The following CHD7 variants were observed in gnomAD, a reference collection of about 807,000 sequenced individuals.
The protein encoded by CHD7 is chromodomain helicase DNA binding protein 7.
Under a neutral mutation model 307.3 loss-of-function variants are expected in CHD7, and 24 were observed. The ratio of observed to expected loss-of-function variants is 0.08; its 90% CI spans 0.06 to 0.11. The LOEUF is 0.11. Ranked by LOEUF, CHD7 falls within the 10% of genes least tolerant of loss-of-function variation. The pLI is 1.00. For synonymous variants in CHD7, 1,363 were observed against 1,349.9 expected (o/e 1.01, Z -0.21); for missense variants, 3,106 against 3,727.1 (o/e 0.83, Z 4.34).
At chr8:60,752,132 T>C (rs768819919) in intron 2 of CHD7, among the ~76,000 whole-genome samples, 3 of 152,244 alleles carry the variant, frequency 2.0e-5, no homozygotes, top group Non-Finnish European at 2.9e-5. Flanking sequence ...TCGGGAGTCC[T>C]AGACGTTAAC....
intron 2 of CHD7, among the ~76,000 whole-genome samples, chr8:60,758,051 C>A (rs1429426752): frequency 6.6e-6 from 1 of 152,068 alleles, no homozygotes; most frequent in Non-Finnish European, 1.5e-5. Flanking sequence ...GAAATGAAAA[C>A]TAGGAAATTT....
In CHD7 at chr8:60,856,574, G is replaced by A. The variant is rs372078650; in HGVS notation, c.7294G>A (p.Val2432Met). ...EMVAQLRESQVVSENGQEKVV... is the reference protein window; with the variant it reads ...EMVAQLRESQMVSENGQEKVV... ...GGTTGCCCAGCTTCGAGAGTCTCAG[G>A]TGGTCTCAGAAAATGGACAAGAAAA... Residue 2432 changes from valine to methionine, a missense_variant, in exon 34 of 38, where the codon GTG (valine) becomes ATG (methionine). This residue lies in a region of CHD7 where 1,030 missense variants were observed against 1,165.4 expected (regional missense o/e 0.88). Coordinates refer to ENST00000423902, the MANE Select transcript of CHD7 (RefSeq NM_017780.4). 5.7e-5 allele frequency: 92 copies of A among 1,613,902 alleles called. No homozygotes were observed. The highest frequency in any genetic ancestry group is 1.7e-4 in the Admixed American group (10 of 60,004).
chr8:60,797,511 A>G (rs1375274806), intron 4 of CHD7, among the ~76,000 whole-genome samples: 1 of 152,190 alleles, frequency 6.6e-6, no homozygotes, highest in African/African-American at 2.4e-5. Flanking sequence ...TCAGGGTGGG[A>G]TTTAGCATAA....
chr8:60,852,734 T>C (rs773080604), intron 30 of CHD7, 28 bp downstream of exon 30: 3 of 1,612,456 alleles, frequency 1.9e-6, no homozygotes, highest in South Asian at 2.2e-5. Flanking sequence ...CAAAGTTCTA[T>C]ACAAAAAGAC....
chr8:60,799,860 G>T (rs1181508424), intron 4 of CHD7, among the ~76,000 whole-genome samples: 3 of 152,060 alleles, frequency 2.0e-5, no homozygotes, highest in Non-Finnish European at 4.4e-5. Context: ...AGCTGGGAGT[G>T]GCAGGGCTAC....
chr8:60,800,559 T>G, intron 5 of CHD7, 34 bp downstream of exon 5: 3 of 1,257,382 alleles, frequency 2.4e-6, no homozygotes, highest in Non-Finnish European at 3.1e-6. Flanking sequence ...TATGGATGCA[T>G]TTTAAAGATG....
At chr8:60,820,138 T>C (rs758620649) in intron 9 of CHD7, 48 bp downstream of exon 9, 1 of 1,219,064 alleles carries the variant, frequency 8.2e-7, no homozygotes, top group Middle Eastern at 1.9e-4. Flanking sequence ...AGGCAACCCA[T>C]ACATGTTTAT....
In CHD7 at chr8:60,745,013, G is replaced by A. The variant is rs964458545; in HGVS notation, c.1665+1916G>A. ...GGCTTCAGGGAAGCTGCCCTCAGCC[G>A]GTGGGCAGGGCAGCTTCCCTGAAGA... is the stretch of plus-strand genomic sequence containing the variant. On this transcript the variant is annotated intron_variant, in intron 2 of 37. Coordinates refer to ENST00000423902, the MANE Select transcript of CHD7 (RefSeq NM_017780.4). Among the ~76,000 whole-genome samples, 16 of 149,966 alleles carry A rather than the reference G, an allele frequency of 1.1e-4. No homozygotes were observed. The East Asian group carries it at 3.0e-3, about 28-fold the overall frequency.
intron 2 of CHD7, among the ~76,000 whole-genome samples, chr8:60,775,015 A>G (rs1810883600): frequency 6.6e-6 from 1 of 152,004 alleles, no homozygotes; most frequent in African/African-American, 2.4e-5. Flanking sequence ...TTCAGATGCT[A>G]CTAATTCAGA....
intron 1 of CHD7, among the ~76,000 whole-genome samples, chr8:60,715,167 C>T (rs1563537935): frequency 6.6e-6 from 1 of 152,050 alleles, no homozygotes; most frequent in South Asian, 2.1e-4. Flanking sequence ...TTCCGGAGAC[C>T]GATGAGAGTG....
At chr8:60,841,600 T>C in intron 19 of CHD7, 44 bp from the exon 20 acceptor site, 4 of 1,462,376 alleles carry the variant, frequency 2.7e-6, no homozygotes, top group Non-Finnish European at 3.8e-6. Context: ...ATTCTGCTTC[T>C]GAGAAAGGCC....
In CHD7 at chr8:60,742,559, T is replaced by C. The variant is rs1276391948; in HGVS notation, c.1127T>C (p.Met376Thr). ...CACCCCAGTGGCTCACTTAACCAAA[T>C]GAACACACAAACTATGCATCCTTCA... ...PIHPSGSLNQ[M>T]NTQTMHPSQP... The change falls in exon 2 of 38, where the codon ATG (methionine) becomes ACG (threonine). Residue 376 changes from methionine (M) to threonine (T), a missense_variant. Physicochemically the swap from Met to Thr is moderately conservative, Grantham distance 81. Transcript: ENST00000423902. 1.2e-6 allele frequency: 2 copies of C among 1,613,852 alleles called. No individual in the cohort carries two copies. The highest frequency in any genetic ancestry group is 1.7e-6 in the Non-Finnish European group (2 of 1,179,898).
chr8:60,817,909 C>T (rs1803821925), intron 8 of CHD7, among the ~76,000 whole-genome samples: 1 of 152,144 alleles, frequency 6.6e-6, no homozygotes, highest in South Asian at 2.1e-4. Context: ...TAGCTTTCCC[C>T]CCATCCCTAA....
intron 1 of CHD7, among the ~76,000 whole-genome samples, chr8:60,734,624 A>G (rs955291109): frequency 2.0e-5 from 3 of 152,302 alleles, no homozygotes; most frequent in East Asian, 3.9e-4. Context: ...GGAAGAGACC[A>G]TGGGTGTGAA....
chr8:60,689,409 A>G (rs575291231), intron 1 of CHD7, among the ~76,000 whole-genome samples: 3 of 152,356 alleles, frequency 2.0e-5, no homozygotes, highest in South Asian at 4.1e-4. Context: ...GATTAGTCAA[A>G]ATGCTGAGGT....
intron 4 of CHD7, among the ~76,000 whole-genome samples, chr8:60,799,364 G>A (rs1193805893): frequency 6.6e-6 from 1 of 152,174 alleles, no homozygotes; most frequent in African/African-American, 2.4e-5. Flanking sequence ...CCACAGGATT[G>A]TGAGAATACC....
intron 1 of CHD7, among the ~76,000 whole-genome samples, chr8:60,701,362 C>T (rs1180734122): frequency 6.6e-6 from 1 of 152,144 alleles, no homozygotes; most frequent in Admixed American, 6.5e-5. Context: ...TGCGGACTGT[C>T]CCTTTTGTTT....
At chr8:60,703,090 T>G (rs1293285814) in intron 1 of CHD7, among the ~76,000 whole-genome samples, 1 of 152,224 alleles carries the variant, frequency 6.6e-6, no homozygotes, top group African/African-American at 2.4e-5. Context: ...CCCAACATAT[T>G]TGGCCACCAC....
At chr8:60,695,999 C>T (rs572993408) in intron 1 of CHD7, among the ~76,000 whole-genome samples, 1 of 152,104 alleles carries the variant, frequency 6.6e-6, no homozygotes, top group Non-Finnish European at 1.5e-5. Flanking sequence ...AAAATCCAGT[C>T]AACTGTTATA....
Sources: allele counts gnomAD v4.1 joint callset (sites outside exome capture counted in the v4.1 genomes callset), GRCh38; gene constraint gnomAD v4.1.1; regional missense constraint gnomAD v4.1.1; transcripts MANE v1.5; gene names NCBI Gene and HGNC (gene_info 2026-07-23, HGNC 2026-07-21).